SHANK2: variants seen among roughly 807,000 people sequenced by gnomAD.
The protein encoded by SHANK2 is SH3 and multiple ankyrin repeat domains 2.
SHANK2 carries 43 observed loss-of-function variants against 133.7 expected under a neutral mutation model. That is an observed-to-expected ratio of 0.32 (90% CI 0.25 to 0.41). The LOEUF (loss-of-function observed/expected upper bound fraction) is 0.41, where lower values mean the gene tolerates loss of function less well. SHANK2 is among the 10% of genes least tolerant of loss of function. The pLI, the probability that SHANK2 is intolerant of heterozygous loss-of-function variation, is 1.00. For missense variants in SHANK2, 1,994 were observed against 2,235.8 expected (o/e 0.89, Z 2.18); for synonymous variants, 1,017 against 952.8 (o/e 1.07, Z -1.24).
At chr11:71,205,215 C>T (rs1379433941) in intron 2 of SHANK2, among the ~76,000 whole-genome samples, 6 of 152,216 alleles carry the variant, frequency 3.9e-5, no homozygotes, top group African/African-American at 1.2e-4. Flanking sequence ...ACTCTCAGCA[C>T]GGGCCCATCC....
intron 14 of SHANK2, among the ~76,000 whole-genome samples, chr11:70,738,016 G>T (rs1218236248): frequency 1.3e-5 from 2 of 152,236 alleles, no homozygotes; most frequent in African/African-American, 4.8e-5. Flanking sequence ...CCGGGTGCCG[G>T]GCTCGGCAAC....
intron 9 of SHANK2, among the ~76,000 whole-genome samples, chr11:71,064,954 G>A (rs1378100770): frequency 6.6e-6 from 1 of 152,158 alleles, no homozygotes; most frequent in Non-Finnish European, 1.5e-5. Context: ...TTTCTAGAAG[G>A]CGCACAAGGA....
intron 14 of SHANK2, among the ~76,000 whole-genome samples, chr11:70,761,698 G>A (rs891330258): frequency 4.6e-5 from 7 of 152,222 alleles, no homozygotes. Flanking sequence ...GTAGGTTCTG[G>A]GGGCCTGGGA....
At chr11:70,627,487 A>T (rs1222055120) in intron 17 of SHANK2, among the ~76,000 whole-genome samples, 1 of 152,182 alleles carries the variant, frequency 6.6e-6, no homozygotes, top group African/African-American at 2.4e-5. Context: ...CCTGGAGATT[A>T]TTTGCTACTG....
At chr11:70,649,016 G>T (rs1438373118) in intron 17 of SHANK2, among the ~76,000 whole-genome samples, 1 of 152,172 alleles carries the variant, frequency 6.6e-6, no homozygotes, top group Non-Finnish European at 1.5e-5. Context: ...GCAAAACTGT[G>T]GGCAAGTGTC....
chr11:71,215,385 T>A (rs1052338646), intron 2 of SHANK2, among the ~76,000 whole-genome samples: 1 of 152,084 alleles, frequency 6.6e-6, no homozygotes, highest in Non-Finnish European at 1.5e-5. Flanking sequence ...GCTTTGTGTC[T>A]CCCATGAAGC....
intron 13 of SHANK2, among the ~76,000 whole-genome samples, chr11:70,803,067 C>T (rs1444219500): frequency 2.6e-5 from 4 of 152,032 alleles, no homozygotes; most frequent in Non-Finnish European, 4.4e-5. Context: ...ACATGGCAGC[C>T]GAATCCTGAA....
chr11:70,758,187 CG>C (rs1253932787), intron 14 of SHANK2, among the ~76,000 whole-genome samples: 2 of 152,232 alleles, frequency 1.3e-5, no homozygotes, highest in African/African-American at 4.8e-5. Context: ...GGACAATGAT[CG>C]GGATGTAAAC....
At position 70,904,873 on chromosome 11, in the gene SHANK2, A is replaced by G. The variant is rs189604543; in HGVS notation, c.1108-8306T>C. Among the ~76,000 whole-genome samples the G allele has an allele frequency of 5.1e-3, 780 of 152,284 alleles. 3 individuals carry two copies. Among genetic ancestry groups the G allele is most frequent in the African/African-American group, 0.017 (715 of 41,552 alleles). On this transcript the variant is annotated intron_variant, in intron 10 of 25. Coordinates refer to ENST00000601538, the MANE Select transcript of SHANK2 (RefSeq NM_012309.5). ...TCTCTTTGCCTGCCGCCATCCATGT[A>G]AGATGTGACTTGCCCCTCCTTGCCT...
At chr11:71,243,678 G>C (rs1555124676) in intron 1 of SHANK2, among the ~76,000 whole-genome samples, 2 of 152,148 alleles carry the variant, frequency 1.3e-5, no homozygotes, top group African/African-American at 2.4e-5. Context: ...CTAGGCAACA[G>C]AGCAAGACTC....
In SHANK2 at chr11:70,473,391, G is replaced by A; in HGVS notation, c.5028C>T (p.Val1676=). Residue 1676 remains valine (V), a synonymous_variant, in exon 26 of 26, where the codon GTC becomes GTT. Transcript: ENST00000601538. The surrounding 1 kb of genome is among the most constrained non-coding windows in gnomAD (Gnocchi z 5.9). ...STISGTRSTT[V]TFTVRPGTSQ... ...AGGTGCCGGGGCGAACAGTGAAGGT[G>A]ACCGTCGTGCTCCGTGTACCTGAGA... 1 of 1,609,880 alleles carries A rather than the reference G, an allele frequency of 6.2e-7. No homozygotes were observed. Among genetic ancestry groups the A allele is most frequent in the Non-Finnish European group, 8.5e-7 (1 of 1,179,994 alleles).
intron 14 of SHANK2, among the ~76,000 whole-genome samples, chr11:70,709,586 T>C (rs912070399): frequency 7.9e-5 from 12 of 152,198 alleles, no homozygotes; most frequent in African/African-American, 2.9e-4. Flanking sequence ...CATGGGTAAA[T>C]GCTCAGGACA....
At chr11:71,105,287 C>G (rs1188977925) in intron 6 of SHANK2, among the ~76,000 whole-genome samples, 2 of 152,102 alleles carry the variant, frequency 1.3e-5, no homozygotes, top group African/African-American at 2.4e-5. Flanking sequence ...GGCCAAACTA[C>G]AGAGACAATG....
intron 15 of SHANK2, among the ~76,000 whole-genome samples, chr11:70,671,505 GGCTGGAAGGCTATTA>G (rs1944808388): frequency 6.6e-6 from 1 of 152,198 alleles, no homozygotes; most frequent in South Asian, 2.1e-4. Context: ...ACTCAGCAGG[GGCTGGAAGGCTATTA>G]GCATGTGAGA....
chr11:70,823,417 C>T (rs1278602999), intron 11 of SHANK2, among the ~76,000 whole-genome samples: 3 of 118,082 alleles, frequency 2.5e-5, no homozygotes, highest in Admixed American at 1.7e-4. Context: ...GTTGGCAGAA[C>T]TCGGGGGACA....
chr11:71,154,351 C>T (rs1952858042), intron 2 of SHANK2, among the ~76,000 whole-genome samples: 1 of 152,192 alleles, frequency 6.6e-6, no homozygotes, highest in Non-Finnish European at 1.5e-5. Context: ...CTGACATAGA[C>T]ATAGGGCTGA....
chr11:70,699,410 C>T (rs532080249), intron 14 of SHANK2, among the ~76,000 whole-genome samples: 7 of 152,064 alleles, frequency 4.6e-5, no homozygotes, highest in Non-Finnish European at 1.0e-4. Context: ...AAAAAAAACA[C>T]ACACACAACA....
intron 11 of SHANK2, among the ~76,000 whole-genome samples, chr11:70,859,421 G>A (rs1325472099): frequency 2.6e-5 from 4 of 152,070 alleles, no homozygotes; most frequent in Admixed American, 6.6e-5. Context: ...CAGATGGATC[G>A]ATAGATGGAT....
intron 9 of SHANK2, among the ~76,000 whole-genome samples, chr11:71,071,889 C>G (rs921956628): frequency 3.9e-5 from 6 of 152,058 alleles, no homozygotes; most frequent in Non-Finnish European, 7.4e-5. Flanking sequence ...GAGGATGGAC[C>G]CTGGCACAAA....
Sources: gnomAD v4.1 joint callset for allele counts (sites outside exome capture counted in the v4.1 genomes callset) on GRCh38, gnomAD v4.1.1 for gene constraint, Gnocchi (gnomAD v3.1) non-coding constraint, MANE v1.5 for transcripts, NCBI Gene and HGNC (gene_info 2026-07-23, HGNC 2026-07-21) for gene names.